The following SPATA16 variants were observed in gnomAD, a reference collection of about 807,000 sequenced individuals.
SPATA16 encodes spermatogenesis-associated protein 16.
In SPATA16, 36 loss-of-function variants were observed where a neutral mutation model predicts 63.3. The observed-to-expected ratio is 0.57, with a 90% confidence interval of 0.44 to 0.75. The LOEUF (loss-of-function observed/expected upper bound fraction) is 0.75. Among genes scored for constraint, SPATA16 ranks in the 30% least tolerant of loss-of-function variants. SPATA16 has a pLI of 0.00. For synonymous variants in SPATA16, 203 were observed against 216.7 expected (o/e 0.94, Z 0.56); for missense variants, 646 against 679.3 (o/e 0.95, Z 0.54).
At chr3:172,946,289 A>T (rs1314658124) in intron 6 of SPATA16, among the ~76,000 whole-genome samples, 1 of 152,206 alleles carries the variant, frequency 6.6e-6, no homozygotes. Context: ...TAGCTGTGGT[A>T]GCCATGGGAA....
At chr3:173,006,458 C>T (rs1013226266) in intron 4 of SPATA16, among the ~76,000 whole-genome samples, 1 of 152,110 alleles carries the variant, frequency 6.6e-6, no homozygotes, top group Non-Finnish European at 1.5e-5. Context: ...AAAAAATCTG[C>T]GATGTATTTT....
chr3:173,137,272 A>T (rs1287459220), intron 1 of SPATA16, among the ~76,000 whole-genome samples: 1 of 152,170 alleles, frequency 6.6e-6, no homozygotes, highest in East Asian at 1.9e-4. Flanking sequence ...CGCCCATTAT[A>T]TCCCAACCCC....
intron 10 of SPATA16, among the ~76,000 whole-genome samples, chr3:172,898,556 A>G (rs1732056381): frequency 6.6e-6 from 1 of 151,376 alleles, no homozygotes; most frequent in African/African-American, 2.4e-5. Flanking sequence ...ATCTGTAGTG[A>G]TGTTCCATTT....
intron 2 of SPATA16, among the ~76,000 whole-genome samples, chr3:173,094,115 C>G (rs1737292639): frequency 6.6e-6 from 1 of 151,598 alleles, no homozygotes; most frequent in Non-Finnish European, 1.5e-5. Flanking sequence ...ACCACAAGTA[C>G]CTTCTGAAAA....
intron 5 of SPATA16, 134 bp downstream of exon 5, chr3:172,976,834 T>A: frequency 2.7e-6 from 2 of 738,274 alleles, no homozygotes; most frequent in Non-Finnish European, 4.8e-6. Flanking sequence ...ATGAATACAT[T>A]ATTATTCAGT....
At chr3:173,064,320 CAA>C (rs59773490) in intron 2 of SPATA16, among the ~76,000 whole-genome samples, 838 of 57,594 alleles carry the variant, frequency 0.015, 11 homozygotes, top group African/African-American at 0.054. Flanking sequence ...ACACGCACAC[CAA>C]AAAAAAAAAA....
At chr3:172,972,980 T>C (rs1408614386) in intron 5 of SPATA16, among the ~76,000 whole-genome samples, 1 of 152,200 alleles carries the variant, frequency 6.6e-6, no homozygotes, top group Non-Finnish European at 1.5e-5. Context: ...TTGGTAATTG[T>C]TGATTCATGC....
chr3:173,025,429 A>T (rs1056920792), intron 3 of SPATA16, among the ~76,000 whole-genome samples: 4 of 151,792 alleles, frequency 2.6e-5, no homozygotes, highest in Non-Finnish European at 4.4e-5. Context: ...AGAAAGTTAA[A>T]TTTTTTCTAA....
chr3:173,118,612 ATTCTATTCTGGAAACAAC>A (rs1737972843), intron 1 of SPATA16, among the ~76,000 whole-genome samples: 1 of 152,200 alleles, frequency 6.6e-6, no homozygotes, highest in Admixed American at 6.5e-5. Context: ...CACCTATCAC[ATTCTATTCTGGAAACAAC>A]TTTGTGGAGT....
intron 6 of SPATA16, among the ~76,000 whole-genome samples, chr3:172,950,361 C>T (rs1733401124): frequency 6.6e-6 from 1 of 152,144 alleles, no homozygotes; most frequent in Non-Finnish European, 1.5e-5. Context: ...GAGAATTTAG[C>T]CCCATAGATG....
At chr3:172,991,985 C>T (rs756615276) in intron 4 of SPATA16, among the ~76,000 whole-genome samples, 4 of 152,188 alleles carry the variant, frequency 2.6e-5, no homozygotes, top group Non-Finnish European at 5.9e-5. Flanking sequence ...AAACTGAATT[C>T]TTTTACCACA....
At chr3:173,127,354 C>A (rs1738251674) in intron 1 of SPATA16, among the ~76,000 whole-genome samples, 2 of 152,158 alleles carry the variant, frequency 1.3e-5, no homozygotes, top group African/African-American at 2.4e-5. Context: ...GTTATCAAAT[C>A]CAGGATGTTA....
At chr3:173,026,089 TC>T (rs1392942860) in intron 3 of SPATA16, among the ~76,000 whole-genome samples, 1 of 151,986 alleles carries the variant, frequency 6.6e-6, no homozygotes, top group Non-Finnish European at 1.5e-5. Context: ...ACTGGTATGA[TC>T]AGCATGTATG....
At chr3:172,983,935 C>T (rs1314389535) in intron 4 of SPATA16, among the ~76,000 whole-genome samples, 1 of 152,054 alleles carries the variant, frequency 6.6e-6, no homozygotes, top group Non-Finnish European at 1.5e-5. Context: ...CATAACCCTC[C>T]AGTCAAGGCC....
At chr3:173,112,796 A>G (rs1023188328) in intron 2 of SPATA16, among the ~76,000 whole-genome samples, 2 of 152,142 alleles carry the variant, frequency 1.3e-5, no homozygotes, top group Admixed American at 6.5e-5. Context: ...TCTGGTTGGT[A>G]ATGGATGGGT....
At chr3:173,061,517 A>G (rs1736377710) in intron 2 of SPATA16, among the ~76,000 whole-genome samples, 1 of 152,240 alleles carries the variant, frequency 6.6e-6, no homozygotes, top group Admixed American at 6.5e-5. Context: ...TATGCACAAC[A>G]ATTAGCCACC....
chr3:173,065,557 A>G (rs2108303376), intron 2 of SPATA16, among the ~76,000 whole-genome samples: 1 of 152,364 alleles, frequency 6.6e-6, no homozygotes, highest in African/African-American at 2.4e-5. Context: ...TTAGGTGAGC[A>G]ACCACAAACA....
intron 10 of SPATA16, among the ~76,000 whole-genome samples, chr3:172,891,040 A>G (rs972832965): frequency 3.4e-5 from 5 of 148,112 alleles, no homozygotes; most frequent in Admixed American, 6.7e-5. Flanking sequence ...TCACCAAAAT[A>G]AGACATTAAA....
In SPATA16 at chr3:172,889,558, G is replaced by A; in HGVS notation, c.*12C>T. ...CTGGGATATCTTAGTGGTAGTGCCT[G>A]CTCCCTAATGACTACCTTTGCTGAA... is the stretch of plus-strand genomic sequence containing the variant. On this transcript the variant is annotated 3_prime_UTR_variant, in exon 11 of 11. Transcript: ENST00000351008. The A allele has an allele frequency of 6.2e-7, 1 of 1,613,394 alleles. No homozygotes were observed. The highest frequency in any genetic ancestry group is 1.1e-5 in the South Asian group (1 of 91,048).
Sources: allele counts gnomAD v4.1 joint callset (sites outside exome capture counted in the v4.1 genomes callset), GRCh38; gene constraint gnomAD v4.1.1; transcripts MANE v1.5; gene names NCBI Gene and HGNC (gene_info 2026-07-23, HGNC 2026-07-21).